Variants in SVEP1 observed in about 807,000 individuals in gnomAD.
SVEP1 encodes sushi, von Willebrand factor type A, EGF and pentraxin domain containing 1.
SVEP1 carries 164 observed loss-of-function variants against 367.3 expected under a neutral mutation model. That is an observed-to-expected ratio of 0.45 (90% CI 0.39 to 0.51). The LOEUF is 0.51. Among genes scored for constraint, SVEP1 ranks in the 20% least tolerant of loss-of-function variants. The probability of loss-of-function intolerance (pLI) is 0.00; values close to 1 mark genes in which losing one functional copy is unlikely to be tolerated. For missense variants in SVEP1, 4,117 were observed against 4,425.3 expected, an observed-to-expected ratio of 0.93 and a Z score of 1.98; for synonymous variants, 1,666 against 1,611.6, an observed-to-expected ratio of 1.03 and a Z score of -0.81.
chr9:110,574,460 C>G (rs560151163), intron 1 of SVEP1, among the ~76,000 whole-genome samples: 1 of 152,266 alleles, frequency 6.6e-6, no homozygotes, highest in Non-Finnish European at 1.5e-5. Context: ...ATCTGACAAA[C>G]GATCTCATTT....
Position 110,408,462 on chromosome 9 carries a change from G to T in SVEP1, c.7138C>A (p.Leu2380Ile), listed in dbSNP as rs1180691350. The T allele has an allele frequency of 5.0e-6, 8 of 1,613,830 alleles. No homozygotes were observed. Among genetic ancestry groups the T allele is most frequent in the African/African-American group, 1.3e-5 (1 of 74,922 alleles). The change falls in exon 38 of 48, where the codon CTT (leucine) becomes ATT (isoleucine). Residue 2380 changes from leucine (L) to isoleucine (I), a missense_variant. By Grantham distance (5) the Leu-to-Ile change is conservative (BLOSUM62 2). Transcript: ENST00000374469. ...NDSFPVCKIV[L>I]CTPPPLISFG... The stretch of plus-strand genomic sequence containing the variant: ...GAAATTAGGGGAGGTGGGGTACAAA[G>T]AACAATCTTACAAACAGGGAAAGAG...
In SVEP1 at chr9:110,477,519, T is replaced by C. The variant is rs553524890; in HGVS notation, c.2488-1204A>G. The stretch of plus-strand genomic sequence containing the variant: ...TTATTCATCCTTTCTTAGAAAATTA[T>C]TTTACACCACCTCTCTCTTCTGAAG... On this transcript the variant is annotated intron_variant, in intron 13 of 47. Coordinates refer to ENST00000374469, the MANE Select transcript of SVEP1 (RefSeq NM_153366.4). Among the ~76,000 whole-genome samples, 7 of 152,314 alleles carry C rather than the reference T, an allele frequency of 4.6e-5. No homozygotes were observed. In the South Asian group the frequency reaches 6.2e-4, roughly 14 times the overall value.
chr9:110,513,317 A>T (rs1452776768), intron 4 of SVEP1, among the ~76,000 whole-genome samples: 2 of 152,222 alleles, frequency 1.3e-5, no homozygotes, highest in Non-Finnish European at 2.9e-5. Context: ...TAAATTTTAA[A>T]TACAAACTAA....
chr9:110,379,177 C>G (rs950769019), intron 44 of SVEP1, among the ~76,000 whole-genome samples, 170 bp downstream of exon 44: 1 of 152,146 alleles, frequency 6.6e-6, no homozygotes, highest in Admixed American at 6.5e-5. Flanking sequence ...GTTCTATGTG[C>G]TTTTAAAACT....
intron 46 of SVEP1, among the ~76,000 whole-genome samples, chr9:110,374,412 G>C (rs1050595804): frequency 6.6e-6 from 1 of 152,190 alleles, no homozygotes; most frequent in Non-Finnish European, 1.5e-5. Flanking sequence ...AACTTTGGGA[G>C]GCCAAGGTGG....
chr9:110,385,801 G>C (rs903655839), intron 43 of SVEP1, 97 bp downstream of exon 43: 29 of 1,276,966 alleles, frequency 2.3e-5, no homozygotes, highest in Non-Finnish European at 3.0e-5. Context: ...AGAGATCTAA[G>C]TATCTACAAC....
intron 31 of SVEP1, 25 bp from the exon 32 acceptor site, chr9:110,432,059 A>G (rs1391174265): frequency 6.4e-7 from 1 of 1,569,880 alleles, no homozygotes; most frequent in Non-Finnish European, 8.6e-7. Flanking sequence ...GCTTATAAAT[A>G]TTAAAGTTGA....
intron 3 of SVEP1, among the ~76,000 whole-genome samples, chr9:110,530,626 T>G (rs1830006187): frequency 6.6e-6 from 1 of 152,158 alleles, no homozygotes; most frequent in Non-Finnish European, 1.5e-5. Context: ...AACCTCCACC[T>G]CCTGGGTTCA....
rs528704496 is a variant in SVEP1, at chr9:110,428,778, T to C, written c.5807+365A>G. ...GCCAGTCACGTACAAATGAAACCTA[T>C]TGAGTAAAGAATACAGGCACGGTGG... is the stretch of plus-strand genomic sequence containing the variant. On this transcript the variant is annotated intron_variant, in intron 35 of 47. Coordinates refer to ENST00000374469, the MANE Select transcript of SVEP1 (RefSeq NM_153366.4). 1.3e-4 allele frequency among the ~76,000 whole-genome samples: 20 copies of C among 152,234 alleles called. No homozygotes were observed. The South Asian group carries it at 3.5e-3, about 27-fold the overall frequency.
Position 110,579,629 on chromosome 9 carries a change from C to A in SVEP1, c.-86G>T. ...CTGGGCGGCCGGACTCGCAGAGGGG[C>A]GTGCGCGGAGCTGGGCGCGGGGCAG... is the stretch of plus-strand genomic sequence containing the variant. On this transcript the variant is annotated 5_prime_UTR_variant, in exon 1 of 48. Transcript: ENST00000374469. The surrounding 1 kb of genome is among the most constrained non-coding windows in gnomAD (Gnocchi z 5.3). The A allele has an allele frequency of 7.1e-7, 1 of 1,415,778 alleles. No individual in the cohort carries two copies. The highest frequency in any genetic ancestry group is 9.2e-7 in the Non-Finnish European group (1 of 1,090,018). 87.7% of individuals were successfully genotyped at this position (1,415,778 alleles called of 1,614,324 possible). A position where few individuals can be genotyped will look rare whatever the true frequency, so the allele number is the denominator to read the frequency against.
At chr9:110,494,995 T>C (rs1440997047) in intron 8 of SVEP1, among the ~76,000 whole-genome samples, 1 of 152,194 alleles carries the variant, frequency 6.6e-6, no homozygotes, top group Non-Finnish European at 1.5e-5. Context: ...GTCTGTTCAC[T>C]CTCCTTCTCA....
At position 110,400,966 on chromosome 9, in the gene SVEP1, CTGCAAGAT is replaced by C; in HGVS notation, c.9702_9709del (p.Cys3236SerfsTer7). On this transcript the variant is annotated frameshift_variant, in exon 40 of 48. Transcript: ENST00000374469. LOFTEE classifies it high-confidence loss of function. ...TTCAGGTTTCCCACAAGAAACTGGA[CTGCAAGAT>C]TCATCGGAGAATGGTGGCTCCCAGG... The C allele has an allele frequency of 6.2e-7, 1 of 1,613,898 alleles. No individual in the cohort carries two copies. The highest frequency in any genetic ancestry group is 8.5e-7 in the Non-Finnish European group (1 of 1,179,846).
Position 110,441,940 on chromosome 9 carries a change from A to G in SVEP1, c.4639+1605T>C, listed in dbSNP as rs1258895683. Among the ~76,000 whole-genome samples, 6 of 152,126 alleles carry G rather than the reference A, an allele frequency of 3.9e-5. No individual in the cohort carries two copies. In the East Asian group the frequency reaches 1.2e-3, roughly 29 times the overall value. On this transcript the variant is annotated intron_variant, in intron 27 of 47. Coordinates refer to ENST00000374469, the MANE Select transcript of SVEP1 (RefSeq NM_153366.4). The stretch of plus-strand genomic sequence containing the variant: ...AACCTCAATCCTTAACCTACACCAC[A>G]TGGCTTTACGTGATTTGGCCATGTC...
intron 18 of SVEP1, among the ~76,000 whole-genome samples, chr9:110,463,684 G>A (rs201646894): frequency 2.0e-5 from 3 of 151,302 alleles, no homozygotes; most frequent in South Asian, 2.1e-4. Context: ...GCGAAAGAAA[G>A]GCAGGTGAAA....
At chr9:110,399,351 CG>C (rs1827820997) in intron 40 of SVEP1, among the ~76,000 whole-genome samples, 1 of 118,578 alleles carries the variant, frequency 8.4e-6, no homozygotes, top group Non-Finnish European at 1.8e-5. Flanking sequence ...GTTGTGGGGT[CG>C]GGGGAGGGAT....
chr9:110,440,791 T>A (rs1828500366), intron 27 of SVEP1, among the ~76,000 whole-genome samples: 1 of 152,146 alleles, frequency 6.6e-6, no homozygotes, highest in African/African-American at 2.4e-5. Flanking sequence ...TCCATCCACA[T>A]CCCCTGAGGT....
chr9:110,467,187 A>G (rs1431209214), intron 17 of SVEP1, among the ~76,000 whole-genome samples: 2 of 152,224 alleles, frequency 1.3e-5, no homozygotes, highest in Non-Finnish European at 2.9e-5. Flanking sequence ...TTATGAGAGA[A>G]AACGTTTCCA....
At position 110,513,948 on chromosome 9, in the gene SVEP1, G is replaced by A. The variant is rs375366917; in HGVS notation, c.1123C>T (p.Leu375Phe). 2.5e-5 allele frequency: 40 copies of A among 1,610,546 alleles called. 1 individual carries two copies. The highest frequency in any genetic ancestry group is 2.0e-4 in the East Asian group (9 of 44,802). ...GYRASGQTCE[L>F]VHCPALKPPE... ...CATTTTCCAACAGTGGGAGACTCAC[G>A]TTCACAGGTCTGGCCAGATGCCCTG... The change falls in exon 4 of 48, where the codon CTT becomes TTT. Residue 375 changes from leucine (L) to phenylalanine (F), a missense_variant and splice_region_variant. Coordinates refer to ENST00000374469, the MANE Select transcript of SVEP1 (RefSeq NM_153366.4).
rs1195245437 is a variant in SVEP1 at position 110,375,407 on chromosome 9, C to T, written c.10561G>A (p.Asp3521Asn). 8.7e-6 allele frequency: 13 copies of T among 1,488,522 alleles called. No homozygotes were observed. The highest frequency in any genetic ancestry group is 1.1e-5 in the Non-Finnish European group (12 of 1,112,200). 92.2% of individuals were successfully genotyped at this position (1,488,522 alleles called of 1,614,324 possible). The change falls in exon 46 of 48, where the codon GAC becomes AAC. Residue 3521 changes from aspartate to asparagine, a missense_variant. Around this residue, in one of 4 missense-constraint regions of SVEP1, gnomAD observed 1,765 missense variants for 1,781.1 expected, o/e 0.99. Transcript: ENST00000374469. Reference sequence around the variant, plus strand: ...GACCCCGTCCAGCCAGGCGGGCAGTCACACTGGTAAGGGGCCACACAGCGA... The same window carrying T: ...GACCCCGTCCAGCCAGGCGGGCAGTTACACTGGTAAGGGGCCACACAGCGA... ...GGRCVAPYQC[D>N]CPPGWTGSRC...
Sources: gnomAD v4.1 joint callset for allele counts (sites outside exome capture counted in the v4.1 genomes callset) on GRCh38, gnomAD v4.1.1 for gene constraint, gnomAD v4.1.1 regional missense constraint, Gnocchi (gnomAD v3.1) non-coding constraint, MANE v1.5 for transcripts, NCBI Gene and HGNC (gene_info 2026-07-23, HGNC 2026-07-21) for gene names.